ARMC1: variants seen among roughly 807,000 people sequenced by gnomAD.
ARMC1 encodes the protein armadillo repeat-containing protein 1.
ARMC1 carries 16 observed loss-of-function variants against 31.4 expected under a neutral mutation model. The ratio of observed to expected loss-of-function variants is 0.51; its 90% CI spans 0.34 to 0.77. The LOEUF (loss-of-function observed/expected upper bound fraction) is 0.77. Ranked by LOEUF, ARMC1 falls within the 30% of genes least tolerant of loss-of-function variation. The pLI is 0.01. For synonymous variants in ARMC1, 114 were observed against 118.9 expected (o/e 0.96, Z 0.27); for missense variants, 259 against 347.5 (o/e 0.75, Z 2.02).
chr8:65,616,531 T>C (rs1313266518), intron 3 of ARMC1, among the ~76,000 whole-genome samples: 1 of 152,134 alleles, frequency 6.6e-6, no homozygotes, highest in African/African-American at 2.4e-5. Context: ...AGTGCCGAGA[T>C]TGCAGCCTCT....
intron 3 of ARMC1, among the ~76,000 whole-genome samples, chr8:65,617,168 T>C (rs1808289010): frequency 6.6e-6 from 1 of 152,372 alleles, no homozygotes; most frequent in Non-Finnish European, 1.5e-5. Context: ...ATGGCGGTTT[T>C]GTCGAATAGA....
intron 2 of ARMC1, among the ~76,000 whole-genome samples, chr8:65,624,790 T>C (rs1808480454): frequency 6.6e-6 from 1 of 152,028 alleles, no homozygotes; most frequent in Admixed American, 6.6e-5. Context: ...TGTATACTAA[T>C]AAGCTAACAG....
At chr8:65,627,470 T>C (rs1255649091) in intron 1 of ARMC1, 37 bp from the exon 2 acceptor site, 6 of 1,279,128 alleles carry the variant, frequency 4.7e-6, no homozygotes, top group African/African-American at 1.5e-5. Flanking sequence ...TCTAGGCTGC[T>C]GAGGTATATT....
intron 3 of ARMC1, among the ~76,000 whole-genome samples, chr8:65,618,475 T>C (rs1233004076): frequency 1.4e-5 from 2 of 144,886 alleles, no homozygotes; most frequent in South Asian, 2.2e-4. Flanking sequence ...TGAGCCAAGA[T>C]TGGGCCACTG....
chr8:65,630,410 AGT>A (rs911295379), intron 1 of ARMC1, among the ~76,000 whole-genome samples: 2 of 152,258 alleles, frequency 1.3e-5, no homozygotes, highest in Non-Finnish European at 2.9e-5. Context: ...GAAACTGAAG[AGT>A]TCCATTCTCA....
rs535208077 is a variant in ARMC1, at chr8:65,616,597, G to A, written c.276-3164C>T. Among the ~76,000 whole-genome samples, 35 of 147,810 alleles carry A rather than the reference G, an allele frequency of 2.4e-4. No homozygotes were observed. The South Asian group carries it at 3.0e-3, about 13-fold the overall frequency. On this transcript the variant is annotated intron_variant, in intron 3 of 6. Transcript: ENST00000276569. ...GAGCGTCTCTGCCTGGCCGCCCATC[G>A]TCTGGGATGTGAGGAGTGCCTCTGC...
At chr8:65,613,067 G>A (rs544168660) in intron 4 of ARMC1, among the ~76,000 whole-genome samples, 177 bp downstream of exon 4, 22 of 151,872 alleles carry the variant, frequency 1.4e-4, no homozygotes, top group African/African-American at 5.3e-4. Context: ...CTATTATTAG[G>A]GACATACATA....
In ARMC1 at chr8:65,622,488, A is replaced by G. The variant is rs1379984246; in HGVS notation, c.184-134T>C. The G allele has an allele frequency of 4.7e-6, 3 of 641,694 alleles. No individual in the cohort carries two copies. The African/African-American group carries it at 5.5e-5, about 12-fold the overall frequency. The allele number at this position is 641,694 out of a possible 1,614,324, so 39.8% of individuals were successfully genotyped here. On this transcript the variant is annotated intron_variant, in intron 2 of 6. Coordinates refer to ENST00000276569, the MANE Select transcript of ARMC1 (RefSeq NM_018120.6). ...TTTAGAATAAAATCCTTTAAATGAG[A>G]TGATTCAGAATTATTCCCTAGGGAA...
chr8:65,629,582 T>C (rs1808592511), intron 1 of ARMC1, among the ~76,000 whole-genome samples: 1 of 151,468 alleles, frequency 6.6e-6, no homozygotes, highest in Non-Finnish European at 1.5e-5. Context: ...AGGCGGATCA[T>C]GAGGTCAGGA....
intron 4 of ARMC1, among the ~76,000 whole-genome samples, chr8:65,610,847 G>A (rs1018253603): frequency 6.6e-6 from 1 of 152,096 alleles, no homozygotes; most frequent in Non-Finnish European, 1.5e-5. Flanking sequence ...TTCTTCTTGA[G>A]TGAGCTTCGG....
intron 4 of ARMC1, among the ~76,000 whole-genome samples, chr8:65,607,908 T>C (rs1808038232): frequency 6.6e-6 from 1 of 152,092 alleles, no homozygotes; most frequent in East Asian, 1.9e-4. Context: ...GGTCATTAAG[T>C]TTAAAAAAAC....
rs190011545 is a variant in ARMC1 at position 65,623,475 on chromosome 8, G to A, written c.184-1121C>T. The stretch of plus-strand genomic sequence containing the variant: ...AATACAAAAATTAGCCGGGCATGAT[G>A]GCACGCACCTGTAATCCCAGCTACT... On this transcript the variant is annotated intron_variant, in intron 2 of 6. Transcript: ENST00000276569. Among the ~76,000 whole-genome samples the A allele has an allele frequency of 3.1e-3, 466 of 151,480 alleles. 3 individuals are homozygous for A. The highest frequency in any genetic ancestry group is 0.017 in the South Asian group (83 of 4,788).
chr8:65,615,340 C>CA (rs1160847450), intron 3 of ARMC1, among the ~76,000 whole-genome samples: 4 of 149,096 alleles, frequency 2.7e-5, no homozygotes, highest in African/African-American at 9.9e-5. Flanking sequence ...AAATATTAAC[C>CA]AAGAACAAGT....
chr8:65,606,553 T>C (rs1486408985), intron 4 of ARMC1, among the ~76,000 whole-genome samples: 1 of 152,154 alleles, frequency 6.6e-6, no homozygotes, highest in Non-Finnish European at 1.5e-5. Context: ...TGGTTACTAT[T>C]GCATTCTCAA....
intron 2 of ARMC1, among the ~76,000 whole-genome samples, chr8:65,625,217 TC>T (rs1294962062): frequency 6.6e-6 from 1 of 152,122 alleles, no homozygotes; most frequent in East Asian, 1.9e-4. Context: ...ACTTTATACT[TC>T]CCTTCCTATT....
chr8:65,607,485 A>AT (rs1478314309), intron 4 of ARMC1, among the ~76,000 whole-genome samples: 2 of 152,268 alleles, frequency 1.3e-5, no homozygotes, highest in Non-Finnish European at 2.9e-5. Context: ...AACGAGATTC[A>AT]TAAGTCTAAT....
rs192257585 is a variant in ARMC1, at chr8:65,617,482, C to T, written c.276-4049G>A. Among the ~76,000 whole-genome samples, 423 of 152,168 alleles carry T rather than the reference C, an allele frequency of 2.8e-3. 1 individual carries two copies. The highest frequency in any genetic ancestry group is 5.2e-3 in the Admixed American group (79 of 15,276). ...CAAGTACCCATGGACACAAACACTGCGGAAGGCCGCAGGGTCCTCTGCCTA... is the reference window on the plus strand; with the variant it reads ...CAAGTACCCATGGACACAAACACTGTGGAAGGCCGCAGGGTCCTCTGCCTA... On this transcript the variant is annotated intron_variant, in intron 3 of 6. Coordinates refer to ENST00000276569, the MANE Select transcript of ARMC1 (RefSeq NM_018120.6).
intron 3 of ARMC1, among the ~76,000 whole-genome samples, chr8:65,615,531 C>A (rs938693685): frequency 2.6e-5 from 4 of 151,832 alleles, no homozygotes; most frequent in Non-Finnish European, 5.9e-5. Flanking sequence ...ATGGCGAAAC[C>A]CCGTCTCTAC....
intron 3 of ARMC1, among the ~76,000 whole-genome samples, chr8:65,615,723 TAAATA>T (rs375105116): frequency 1.3e-5 from 2 of 151,392 alleles, no homozygotes; most frequent in African/African-American, 2.4e-5. Flanking sequence ...AAAAAATGAA[TAAATA>T]AAATAAAATA....
Sources: gnomAD v4.1 joint callset for allele counts (sites outside exome capture counted in the v4.1 genomes callset) on GRCh38, gnomAD v4.1.1 for gene constraint, MANE v1.5 for transcripts, NCBI Gene and HGNC (gene_info 2026-07-23, HGNC 2026-07-21) for gene names.